The following IMMP2L variants were observed in gnomAD, a reference collection of about 807,000 sequenced individuals.
IMMP2L encodes mitochondrial inner membrane protease subunit 2.
In IMMP2L, 18 loss-of-function variants were observed where a neutral mutation model predicts 19.3. The observed-to-expected ratio is 0.93, with a 90% CI of 0.64 to 1.38. IMMP2L has a LOEUF of 1.38. Among genes scored for constraint, IMMP2L ranks in the 40% most tolerant of loss-of-function variants. The pLI, the probability that IMMP2L is intolerant of heterozygous loss-of-function variation, is 0.00. For missense variants in IMMP2L, 233 were observed against 218.2 expected, an observed-to-expected ratio of 1.07 and a Z score of -0.43; for synonymous variants, 76 against 73.0, an observed-to-expected ratio of 1.04 and a Z score of -0.21.
intron 3 of IMMP2L, among the ~76,000 whole-genome samples, chr7:111,218,250 C>T (rs1487512834): frequency 6.6e-6 from 1 of 151,978 alleles, no homozygotes; most frequent in Non-Finnish European, 1.5e-5. Flanking sequence ...ACCTGGTAAA[C>T]CAAGGTTTTA....
chr7:111,377,009 T>A (rs528693583), intron 3 of IMMP2L, among the ~76,000 whole-genome samples: 1 of 152,026 alleles, frequency 6.6e-6, no homozygotes, highest in African/African-American at 2.4e-5. Flanking sequence ...CTAGAAGTCA[T>A]TGAATTGTAT....
At chr7:111,375,412 G>A (rs577676115) in intron 3 of IMMP2L, among the ~76,000 whole-genome samples, 1 of 152,158 alleles carries the variant, frequency 6.6e-6, no homozygotes, top group East Asian at 1.9e-4. Flanking sequence ...AGTGAAGCCT[G>A]GAAATGTGCA....
At chr7:110,819,645 C>T (rs968384524) in intron 5 of IMMP2L, among the ~76,000 whole-genome samples, 2 of 152,114 alleles carry the variant, frequency 1.3e-5, no homozygotes, top group East Asian at 3.9e-4. Flanking sequence ...AGTATGAATT[C>T]TTTTAGCAAA....
At chr7:110,701,852 T>C (rs1276485525) in intron 5 of IMMP2L, among the ~76,000 whole-genome samples, 2 of 152,204 alleles carry the variant, frequency 1.3e-5, no homozygotes, top group Admixed American at 6.5e-5. Flanking sequence ...AGATTTCCTA[T>C]CCTATTACGG....
chr7:110,826,490 T>C (rs1158273667), intron 5 of IMMP2L, among the ~76,000 whole-genome samples: 4 of 152,136 alleles, frequency 2.6e-5, no homozygotes, highest in Non-Finnish European at 2.9e-5. Flanking sequence ...ATATACACCA[T>C]GGAATACTAT....
chr7:110,901,353 G>A (rs539637673), intron 4 of IMMP2L, among the ~76,000 whole-genome samples: 1 of 152,188 alleles, frequency 6.6e-6, no homozygotes, highest in East Asian at 1.9e-4. Flanking sequence ...TATGGATTCT[G>A]GTAGTAGTCC....
intron 5 of IMMP2L, among the ~76,000 whole-genome samples, chr7:110,713,420 T>C (rs976239563): frequency 6.6e-6 from 1 of 152,202 alleles, no homozygotes; most frequent in African/African-American, 2.4e-5. Flanking sequence ...ATACGAATTT[T>C]AAAATAGATT....
chr7:110,847,658 T>C (rs12536318), intron 5 of IMMP2L, among the ~76,000 whole-genome samples: 74,378 of 151,840 alleles, frequency 0.49, 18,739 homozygotes, highest in East Asian at 0.8. Flanking sequence ...CATTAGCTGA[T>C]TTTAAAGCTA....
chr7:110,676,172 T>C (rs538960789), intron 5 of IMMP2L, among the ~76,000 whole-genome samples: 1 of 152,366 alleles, frequency 6.6e-6, no homozygotes, highest in Admixed American at 6.5e-5. Context: ...TCTTCTGTGA[T>C]GTTATGTAAT....
chr7:111,281,164 A>G (rs191923182), intron 3 of IMMP2L, among the ~76,000 whole-genome samples: 929 of 22,758 alleles, frequency 0.041, 40 homozygotes, highest in African/African-American at 0.098. Context: ...GACAGAAAGA[A>G]AGAAAGAAAG....
chr7:111,306,631 TG>T (rs1822905488), intron 3 of IMMP2L, among the ~76,000 whole-genome samples: 2 of 150,978 alleles, frequency 1.3e-5, no homozygotes, highest in African/African-American at 4.9e-5. Flanking sequence ...TGTGTGTGTG[TG>T]TGTGTGTGTG....
chr7:110,663,666 C>T lies in IMMP2L; in HGVS notation c.464G>A (p.Arg155His), dbSNP rs536441357. 138 of 1,610,038 alleles carry T rather than the reference C, an allele frequency of 8.6e-5. 1 individual carries two copies. In the South Asian group the frequency reaches 1.1e-3, roughly 13 times the overall value. The change falls in exon 6 of 6, where the codon CGC becomes CAC. Residue 155 changes from arginine (R) to histidine (H), a missense_variant. Arg to His is a conservative substitution (Grantham distance 29). Coordinates refer to ENST00000405709, the MANE Select transcript of IMMP2L (RefSeq NM_032549.4). ...HATHILWPPE[R>H]WQKLESVLPP... ...AAGAACAGATTCCAATTTCTGCCAG[C>T]GCTCTGGGGGCCACAGGATATGTGT... is the stretch of plus-strand genomic sequence containing the variant.
At chr7:111,122,726 T>A in intron 3 of IMMP2L, 1 of 1,457,342 alleles carries the variant, frequency 6.9e-7, no homozygotes, top group East Asian at 2.3e-5. Flanking sequence ...TAGCACTGAC[T>A]GTGGAATCCT....
At chr7:111,289,077 A>G (rs1346490457) in intron 3 of IMMP2L, among the ~76,000 whole-genome samples, 1 of 152,172 alleles carries the variant, frequency 6.6e-6, no homozygotes, top group Non-Finnish European at 1.5e-5. Context: ...ACCATGAAAT[A>G]CTATGCAGCC....
chr7:110,996,385 T>C (rs979952013), intron 3 of IMMP2L, among the ~76,000 whole-genome samples: 1 of 150,668 alleles, frequency 6.6e-6, no homozygotes, highest in Non-Finnish European at 1.5e-5. Flanking sequence ...GAGAGGGGGG[T>C]TGGCATAAAA....
At chr7:111,347,304 G>C (rs1827671379) in intron 3 of IMMP2L, among the ~76,000 whole-genome samples, 1 of 152,080 alleles carries the variant, frequency 6.6e-6, no homozygotes, top group Non-Finnish European at 1.5e-5. Context: ...GTAAGGGCCA[G>C]AGGAGGGAAG....
chr7:111,035,056 G>C (rs896961161), intron 3 of IMMP2L, among the ~76,000 whole-genome samples: 1 of 152,074 alleles, frequency 6.6e-6, no homozygotes, highest in Non-Finnish European at 1.5e-5. Flanking sequence ...ATAATAGGAT[G>C]TTAAAAGAAA....
intron 1 of IMMP2L, among the ~76,000 whole-genome samples, chr7:111,546,713 C>A (rs980412874): frequency 6.6e-6 from 1 of 152,122 alleles, no homozygotes; most frequent in African/African-American, 2.4e-5. Flanking sequence ...TCTGCTCTCT[C>A]CCTAATCACT....
chr7:111,243,517 T>TTC (rs1554409667), intron 3 of IMMP2L, among the ~76,000 whole-genome samples: 1 of 147,494 alleles, frequency 6.8e-6, no homozygotes, highest in East Asian at 2.1e-4. Flanking sequence ...TTGCTTTATT[T>TTC]TTTTTTTTTT....
Sources: allele counts gnomAD v4.1 joint callset (sites outside exome capture counted in the v4.1 genomes callset), GRCh38; gene constraint gnomAD v4.1.1; transcripts MANE v1.5; gene names NCBI Gene and HGNC (gene_info 2026-07-23, HGNC 2026-07-21).